Variants in THEM5 observed in about 807,000 individuals in gnomAD.
THEM5 encodes the protein acyl-coenzyme A thioesterase THEM5.
Under a neutral mutation model 24.2 loss-of-function variants are expected in THEM5, and 28 were observed. The ratio of observed to expected loss-of-function variants is 1.16; its 90% CI spans 0.86 to 1.59. THEM5 has a LOEUF of 1.59. Among genes scored for constraint, THEM5 ranks in the 40% most tolerant of loss-of-function variants. The pLI is 0.00. For missense variants in THEM5, 260 were observed against 296.8 expected (o/e 0.88, Z 0.91); for synonymous variants, 87 against 114.5 (o/e 0.76, Z 1.53).
intron 3 of THEM5, among the ~76,000 whole-genome samples, chr1:151,848,800 A>G (rs566851358): frequency 2.1e-4 from 32 of 152,346 alleles, no homozygotes; most frequent in African/African-American, 7.2e-4. Flanking sequence ...CTTATGACCT[A>G]TCAAGGGCTG....
rs764187654 is a variant in THEM5 at position 151,851,076 on chromosome 1, G to A, written c.441C>T (p.Gly147=). 2 of 1,614,220 alleles carry A rather than the reference G, an allele frequency of 1.2e-6. No individual in the cohort carries two copies. The highest frequency in any genetic ancestry group is 1.3e-5 in the African/African-American group (1 of 75,064). Residue 147 remains glycine, a synonymous_variant, in exon 3 of 6, where the codon GGC becomes GGT. Transcript: ENST00000368817. ...QKKSVCLFQP[G]SYLEGPPGFA... ...ACCCTGGGGGCCCCTCCAGGTAGGA[G>A]CCTGGTTGGAAAAGACAGACCGACT...
chr1:151,849,256 T>C (rs1653040936), intron 3 of THEM5, among the ~76,000 whole-genome samples: 1 of 152,090 alleles, frequency 6.6e-6, no homozygotes, highest in South Asian at 2.1e-4. Context: ...ATGTTCATTC[T>C]TGCTTTTGCA....
chr1:151,849,522 A>C (rs999446218), intron 3 of THEM5, among the ~76,000 whole-genome samples: 3 of 152,130 alleles, frequency 2.0e-5, no homozygotes, highest in African/African-American at 7.2e-5. Context: ...CCCACAGCTC[A>C]CTACATGTTT....
At chr1:151,849,130 A>T (rs1653036031) in intron 3 of THEM5, among the ~76,000 whole-genome samples, 1 of 151,916 alleles carries the variant, frequency 6.6e-6, no homozygotes, top group Non-Finnish European at 1.5e-5. Flanking sequence ...GAGACATGAG[A>T]ATCGATTGAA....
chr1:151,848,070 T>C (rs1469811661), intron 4 of THEM5, 112 bp downstream of exon 4: 2 of 1,420,300 alleles, frequency 1.4e-6, no homozygotes, highest in African/African-American at 2.8e-5. Context: ...GGGAGTGGGC[T>C]GGGGAAGGAG....
rs1455996549 is a variant in THEM5, at chr1:151,847,269, AGGAGGCAGGCAGG to A, written c.*89_*101del. 1 of 554,684 alleles carries A rather than the reference AGGAGGCAGGCAGG, an allele frequency of 1.8e-6. No individual in the cohort carries two copies. Among genetic ancestry groups the A allele is most frequent in the Admixed American group, 3.3e-5 (1 of 30,126 alleles). 34.4% of individuals were successfully genotyped at this position (554,684 alleles called of 1,614,324 possible). A position where few individuals can be genotyped will look rare whatever the true frequency, so the allele number is the denominator to read the frequency against. On this transcript the variant is annotated 3_prime_UTR_variant, in exon 6 of 6. Coordinates refer to ENST00000368817, the MANE Select transcript of THEM5 (RefSeq NM_182578.4). ...GAGGCAGGAGGCAGGCAGGGGAGGC[AGGAGGCAGGCAGG>A]GGAGGCAGGAGGCAGGAGGCAGGCA...
At position 151,852,498 on chromosome 1, in the gene THEM5, G is replaced by C. The variant is rs1315863566; in HGVS notation, c.124-39C>G. 2.5e-6 allele frequency: 4 copies of C among 1,604,538 alleles called. No homozygotes were observed. The African/African-American group carries it at 5.4e-5, about 21-fold the overall frequency. On this transcript the variant is annotated intron_variant, in intron 1 of 5. Coordinates refer to ENST00000368817, the MANE Select transcript of THEM5 (RefSeq NM_182578.4). ...ATCAGAATGACTAGACAGCATCCTG[G>C]AGGGGGGCTGCTGCCTGGGCTCGGG...
Position 151,853,577 on chromosome 1 carries a change from A to G in THEM5, c.-12T>C, listed in dbSNP as rs534463705. ...CATCTCCTTATCATGGCCAAGTGCA[A>G]GGATCCAGCCCTGCTTGGATGGAGG... On this transcript the variant is annotated 5_prime_UTR_variant, in exon 1 of 6. Transcript: ENST00000368817. 1.2e-6 allele frequency: 2 copies of G among 1,609,810 alleles called. No individual in the cohort carries two copies. Among genetic ancestry groups the G allele is most frequent in the South Asian group, 1.1e-5 (1 of 90,252 alleles).
chr1:151,847,661 T>A, intron 5 of THEM5, 77 bp downstream of exon 5: 2 of 1,579,494 alleles, frequency 1.3e-6, no homozygotes, highest in Non-Finnish European at 8.7e-7. Flanking sequence ...ATCATTGGCA[T>A]CTTTTCTTCC....
At chr1:151,847,615 C>A in intron 5 of THEM5, 123 bp downstream of exon 5, 1 of 1,448,574 alleles carries the variant, frequency 6.9e-7, no homozygotes, top group Non-Finnish European at 9.6e-7. Flanking sequence ...GTGCCCTATC[C>A]CACCCCTAAA....
At position 151,847,815 on chromosome 1, in the gene THEM5, T is replaced by A; in HGVS notation, c.623A>T (p.Lys208Met). Residue 208 changes from lysine to methionine, a missense_variant, in exon 5 of 6, where the codon AAG (lysine) becomes ATG (methionine). Coordinates refer to ENST00000368817, the MANE Select transcript of THEM5 (RefSeq NM_182578.4). ...SLVVMDVELD[K>M]IEDQKLYMSC... Reference sequence around the variant, plus strand: ...CATGTAAAGCTTCTGGTCCTCAATCTTGTCCAGTTCTACGTCCATTACAAC... The same window carrying A: ...CATGTAAAGCTTCTGGTCCTCAATCATGTCCAGTTCTACGTCCATTACAAC... 6.2e-7 allele frequency: 1 copy of A among 1,614,086 alleles called. No homozygotes were observed. The highest frequency in any genetic ancestry group is 8.5e-7 in the Non-Finnish European group (1 of 1,180,014).
At chr1:151,852,601 A>G in intron 1 of THEM5, 142 bp from the exon 2 acceptor site, 2 of 777,302 alleles carry the variant, frequency 2.6e-6, no homozygotes, top group South Asian at 1.7e-5. Flanking sequence ...GAAAGGGCCC[A>G]TATTCCTTGC....
chr1:151,850,924 C>T, intron 3 of THEM5, 129 bp downstream of exon 3: 2 of 1,204,052 alleles, frequency 1.7e-6, no homozygotes, highest in Non-Finnish European at 2.3e-6. Context: ...AGGCTGAAGC[C>T]TAGTGCCCCA....
At chr1:151,852,035 C>CACCA (rs1653142815) in intron 2 of THEM5, among the ~76,000 whole-genome samples, 1 of 152,016 alleles carries the variant, frequency 6.6e-6, no homozygotes, top group Admixed American at 6.6e-5. Flanking sequence ...TGGCTGGGAG[C>CACCA]GAAGGTGGGC....
intron 3 of THEM5, 67 bp downstream of exon 3, chr1:151,850,986 G>A (rs1653099647): frequency 6.9e-6 from 11 of 1,593,498 alleles, no homozygotes; most frequent in Non-Finnish European, 9.4e-6. Context: ...GGCCAGCCTG[G>A]TGGGTGCTGA....
Position 151,852,385 on chromosome 1 carries a change from C to T in THEM5, c.198G>A (p.Met66Ile). ...CCAGAAATTCTTGGTACAGGCTCAG[C>T]ATGTCCGAACACCAGCTGGCATTGG... Reference protein sequence around the residue: ...ALPNASWCSDMLSLYQEFLEK... With the variant: ...ALPNASWCSDILSLYQEFLEK... The change falls in exon 2 of 6, where the codon ATG becomes ATA. Residue 66 changes from methionine (M) to isoleucine (I), a missense_variant. Coordinates refer to ENST00000368817, the MANE Select transcript of THEM5 (RefSeq NM_182578.4). 3.7e-6 allele frequency: 6 copies of T among 1,614,158 alleles called. No individual in the cohort carries two copies. The highest frequency in any genetic ancestry group is 5.1e-6 in the Non-Finnish European group (6 of 1,180,030).
chr1:151,848,159 A>G lies in THEM5; in HGVS notation c.575+23T>C, dbSNP rs201306459. The stretch of plus-strand genomic sequence containing the variant: ...ATGAAAAGGTCTGTGACTTTGGCCA[A>G]TGCCCCAGGGGCCCATACTTACTTT... On this transcript the variant is annotated intron_variant, in intron 4 of 5. Coordinates refer to ENST00000368817, the MANE Select transcript of THEM5 (RefSeq NM_182578.4). 2.3e-3 allele frequency: 3,768 copies of G among 1,610,864 alleles called. 12 individuals carry two copies. Among genetic ancestry groups the G allele is most frequent in the Middle Eastern group, 4.0e-3 (24 of 6,052 alleles).
Position 151,852,291 on chromosome 1 carries a change from G to A in THEM5, c.292C>T (p.Leu98Phe). The change falls in exon 2 of 6, where the codon CTC (leucine) becomes TTC (phenylalanine). Residue 98 changes from leucine to phenylalanine, a missense_variant. Coordinates refer to ENST00000368817, the MANE Select transcript of THEM5 (RefSeq NM_182578.4). ...ACTGCCAGTCCAGATGGGAGCTTGA[G>A]TCCCCGGATGTGGTCTCTGTTGGAC... ...FKSNRDHIRG[L>F]KLPSGLAVSS... 1 of 1,613,960 alleles carries A rather than the reference G, an allele frequency of 6.2e-7. No homozygotes were observed. The highest frequency in any genetic ancestry group is 8.5e-7 in the Non-Finnish European group (1 of 1,180,018).
At chr1:151,847,603 A>G (rs933178770) in intron 5 of THEM5, 135 bp downstream of exon 5, 6 of 1,367,674 alleles carry the variant, frequency 4.4e-6, no homozygotes, top group South Asian at 1.2e-5. Flanking sequence ...TGTCCCTAGT[A>G]GGTGCCCTAT....
Sources: gnomAD v4.1 joint callset for allele counts (sites outside exome capture counted in the v4.1 genomes callset) on GRCh38, gnomAD v4.1.1 for gene constraint, MANE v1.5 for transcripts, NCBI Gene and HGNC (gene_info 2026-07-23, HGNC 2026-07-21) for gene names.